The following NEURL1B variants were observed in gnomAD, a reference collection of about 807,000 sequenced individuals.
The protein encoded by NEURL1B is E3 ubiquitin-protein ligase NEURL1B.
A neutral mutation model predicts 37.4 loss-of-function variants in NEURL1B; 13 were observed. That is an observed-to-expected ratio of 0.35 (90% CI 0.23 to 0.55). The LOEUF is 0.55. Ranked by LOEUF, NEURL1B falls within the 20% of genes least tolerant of loss-of-function variation. The probability of loss-of-function intolerance (pLI) is 0.89; values close to 1 mark genes in which losing one functional copy is unlikely to be tolerated. For missense variants in NEURL1B, 790 were observed against 879.2 expected (o/e 0.90, Z 1.28); for synonymous variants, 432 against 426.6 (o/e 1.01, Z -0.16).
intron 2 of NEURL1B, among the ~76,000 whole-genome samples, chr5:172,681,216 G>A (rs1444942726): frequency 3.3e-5 from 5 of 152,096 alleles, no homozygotes; most frequent in Admixed American, 6.6e-5. Flanking sequence ...TGAGATTTGG[G>A]TGGACACAAA....
At position 172,690,147 on chromosome 5, in the gene NEURL1B, C is replaced by T. The variant is rs76676035; in HGVS notation, c.*3222C>T. On this transcript the variant is annotated 3_prime_UTR_variant, in exon 5 of 5. Coordinates refer to ENST00000369800, the MANE Select transcript of NEURL1B (RefSeq NM_001142651.3). ...AGGGCTCCAGGGCGAGGACAGGGGACACCTGAAAACACCCCGTTGTTCATG... is the reference window on the plus strand; with the variant it reads ...AGGGCTCCAGGGCGAGGACAGGGGATACCTGAAAACACCCCGTTGTTCATG... 815 of 152,472 alleles carry T rather than the reference C, an allele frequency of 5.3e-3. 3 individuals carry two copies. The highest frequency in any genetic ancestry group is 0.013 in the South Asian group (61 of 4,832). 9.4% of individuals were successfully genotyped at this position (152,472 alleles called of 1,614,324 possible). A position where few individuals can be genotyped will look rare whatever the true frequency, so the allele number is the denominator to read the frequency against.
Position 172,661,265 on chromosome 5 carries a change from T to G in NEURL1B, c.32-8520T>G, listed in dbSNP as rs1757895906. ...GCCCCTGAAGTTGAATATCAGATTG[T>G]GCATGGAGTCTGGGTATGTTTCTGG... On this transcript the variant is annotated intron_variant, in intron 1 of 4. Transcript: ENST00000369800. This position sits in a 1 kb window ranked among gnomAD's most constrained non-coding sequence, Gnocchi z 4.0. Among the ~76,000 whole-genome samples the G allele has an allele frequency of 6.6e-6, 1 of 152,180 alleles. No homozygotes were observed. Among genetic ancestry groups the G allele is most frequent in the South Asian group, 2.1e-4 (1 of 4,832 alleles).
At chr5:172,674,437 C>T (rs73803487) in intron 2 of NEURL1B, among the ~76,000 whole-genome samples, 1,667 of 152,116 alleles carry the variant, frequency 0.011, 30 homozygotes, top group African/African-American at 0.038. Context: ...TCCAGAGTCC[C>T]GAGAAGGAAA....
rs1758657117 is a variant in NEURL1B at position 172,691,439 on chromosome 5, T to C, written c.*4514T>C. On this transcript the variant is annotated 3_prime_UTR_variant, in exon 5 of 5. Coordinates refer to ENST00000369800, the MANE Select transcript of NEURL1B (RefSeq NM_001142651.3). ...TTGCACTGGTCTTGAGTGTTGTGCT[T>C]TTCTGTGTTGTGTGTTTTGATTTTT... 6.6e-6 allele frequency: 1 copy of C among 152,206 alleles called. No individual in the cohort carries two copies. The highest frequency in any genetic ancestry group is 2.4e-5 in the African/African-American group (1 of 41,438). 9.4% of individuals were successfully genotyped at this position (152,206 alleles called of 1,614,324 possible). A position where few individuals can be genotyped will look rare whatever the true frequency, so the allele number is the denominator to read the frequency against.
At position 172,668,489 on chromosome 5, in the gene NEURL1B, A is replaced by T. The variant is rs146080203; in HGVS notation, c.32-1296A>T. Among the ~76,000 whole-genome samples, 7 of 151,868 alleles carry T rather than the reference A, an allele frequency of 4.6e-5. No individual in the cohort carries two copies. The East Asian group carries it at 1.4e-3, about 30-fold the overall frequency. On this transcript the variant is annotated intron_variant, in intron 1 of 4. Coordinates refer to ENST00000369800, the MANE Select transcript of NEURL1B (RefSeq NM_001142651.3). ...GGAGCCATGTCTTGTTTGCCTCATC[A>T]TTGCCTCTCCCTCTTCATTTTCCCC...
intron 1 of NEURL1B, among the ~76,000 whole-genome samples, chr5:172,658,315 TA>T (rs1757832564): frequency 6.6e-6 from 1 of 152,164 alleles, no homozygotes; most frequent in South Asian, 2.1e-4. Context: ...TCCAAGCACG[TA>T]GCCCTTTACC....
At chr5:172,659,751 C>T (rs980198771) in intron 1 of NEURL1B, among the ~76,000 whole-genome samples, 2 of 152,202 alleles carry the variant, frequency 1.3e-5, no homozygotes, top group Non-Finnish European at 2.9e-5. Flanking sequence ...CTCCCCTCTC[C>T]CTTCTGGCCT....
At position 172,675,603 on chromosome 5, in the gene NEURL1B, C is replaced by G. The variant is rs1401574030; in HGVS notation, c.577+5273C>G. Among the ~76,000 whole-genome samples, 1 of 136,774 alleles carries G rather than the reference C, an allele frequency of 7.3e-6. No homozygotes were observed. The highest frequency in any genetic ancestry group is 1.6e-5 in the Non-Finnish European group (1 of 64,506). The allele number at this position is 136,774 out of a possible 152,430, so 89.7% of individuals were successfully genotyped here. ...TTCCTGGAGCCAGGAGAGGAAGCTTCTGCCAGGCCATGCGCTCCCTTCCCT... is the reference window on the plus strand; with the variant it reads ...TTCCTGGAGCCAGGAGAGGAAGCTTGTGCCAGGCCATGCGCTCCCTTCCCT... On this transcript the variant is annotated intron_variant, in intron 2 of 4. Transcript: ENST00000369800. This position sits in a 1 kb window ranked among gnomAD's most constrained non-coding sequence, Gnocchi z 4.7.
intron 1 of NEURL1B, among the ~76,000 whole-genome samples, chr5:172,659,964 C>G (rs1175246027): frequency 3.3e-5 from 5 of 152,262 alleles, no homozygotes; most frequent in African/African-American, 1.2e-4. Context: ...GTCATGGGGT[C>G]TGCTTATGTC....
intron 2 of NEURL1B, among the ~76,000 whole-genome samples, chr5:172,674,399 C>G (rs1758188938): frequency 6.6e-6 from 1 of 152,104 alleles, no homozygotes; most frequent in Non-Finnish European, 1.5e-5. Context: ...TGGGGCCAGA[C>G]CGTGGGGTGC....
At position 172,689,911 on chromosome 5, in the gene NEURL1B, T is replaced by A. The variant is rs922799251; in HGVS notation, c.*2986T>A. 6.6e-6 allele frequency: 1 copy of A among 152,256 alleles called. No homozygotes were observed. The highest frequency in any genetic ancestry group is 1.5e-5 in the Non-Finnish European group (1 of 68,096). 9.4% of individuals were successfully genotyped at this position (152,256 alleles called of 1,614,324 possible). A position where few individuals can be genotyped will look rare whatever the true frequency, so the allele number is the denominator to read the frequency against. On this transcript the variant is annotated 3_prime_UTR_variant, in exon 5 of 5. Coordinates refer to ENST00000369800, the MANE Select transcript of NEURL1B (RefSeq NM_001142651.3). Reference sequence around the variant, plus strand: ...CCTGGCAGAGCTGAGGTCTGAGAGATCTGGACTCCAACCCAAGGGCCCTCT... The same window carrying A: ...CCTGGCAGAGCTGAGGTCTGAGAGAACTGGACTCCAACCCAAGGGCCCTCT...
Position 172,689,275 on chromosome 5 carries a change from G to T in NEURL1B, c.*2350G>T, listed in dbSNP as rs544043136. Reference sequence around the variant, plus strand: ...GATGCACACGTCCCCACTATGTTCTGTCTTGAGAAGGGGACAAGAGAAAGA... The same window carrying T: ...GATGCACACGTCCCCACTATGTTCTTTCTTGAGAAGGGGACAAGAGAAAGA... On this transcript the variant is annotated 3_prime_UTR_variant, in exon 5 of 5. Coordinates refer to ENST00000369800, the MANE Select transcript of NEURL1B (RefSeq NM_001142651.3). The T allele has an allele frequency of 6.6e-6, 1 of 152,260 alleles. No homozygotes were observed. Among genetic ancestry groups the T allele is most frequent in the Non-Finnish European group, 1.5e-5 (1 of 68,068 alleles). 9.4% of individuals were successfully genotyped at this position (152,260 alleles called of 1,614,324 possible).
intron 1 of NEURL1B, among the ~76,000 whole-genome samples, chr5:172,653,622 C>T (rs1016360601): frequency 2.3e-4 from 35 of 152,252 alleles, no homozygotes; most frequent in Middle Eastern, 6.8e-3. Context: ...TACAATTTAA[C>T]GTTTTAAAAC....
rs555048272 is a variant in NEURL1B at position 172,674,642 on chromosome 5, G to A, written c.577+4312G>A. On this transcript the variant is annotated intron_variant, in intron 2 of 4. Transcript: ENST00000369800. ...TAGGATTTCTTAAGGGCCCCCAGCT[G>A]CTGCCAGGGTTGTGCTAACGATTCC... 5.3e-5 allele frequency among the ~76,000 whole-genome samples: 8 copies of A among 152,310 alleles called. No individual in the cohort carries two copies. The South Asian group carries it at 1.7e-3, about 32-fold the overall frequency.
chr5:172,660,240 G>T lies in NEURL1B; in HGVS notation c.32-9545G>T, dbSNP rs891455001. Among the ~76,000 whole-genome samples, 3 of 152,326 alleles carry T rather than the reference G, an allele frequency of 2.0e-5. No individual in the cohort carries two copies. In the East Asian group the frequency reaches 5.8e-4, roughly 29 times the overall value. On this transcript the variant is annotated intron_variant, in intron 1 of 4. Coordinates refer to ENST00000369800, the MANE Select transcript of NEURL1B (RefSeq NM_001142651.3). ...AGAAGAGACCACAGTCAGGGGGCCC[G>T]GCAGAGGGTCGGAGTCAGCTTGGGA...
chr5:172,682,919 G>A (rs190300370), intron 2 of NEURL1B, among the ~76,000 whole-genome samples: 5 of 152,352 alleles, frequency 3.3e-5, no homozygotes, highest in African/African-American at 1.2e-4. Context: ...GCCTCACAGA[G>A]TGGTTGTGTA....
Position 172,665,388 on chromosome 5 carries a change from C to G in NEURL1B, c.32-4397C>G, listed in dbSNP as rs1757989270. On this transcript the variant is annotated intron_variant, in intron 1 of 4. Coordinates refer to ENST00000369800, the MANE Select transcript of NEURL1B (RefSeq NM_001142651.3). The surrounding 1 kb of genome is among the most constrained non-coding windows in gnomAD (Gnocchi z 4.1). ...TTTCCCCTGCTCACTTGGGATTTGTCCATTCCTCTTAACCTCGTGGTTCTA... is the reference window on the plus strand; with the variant it reads ...TTTCCCCTGCTCACTTGGGATTTGTGCATTCCTCTTAACCTCGTGGTTCTA... Among the ~76,000 whole-genome samples the G allele has an allele frequency of 6.6e-6, 1 of 152,182 alleles. No homozygotes were observed. Among genetic ancestry groups the G allele is most frequent in the Non-Finnish European group, 1.5e-5 (1 of 68,038 alleles).
intron 1 of NEURL1B, among the ~76,000 whole-genome samples, chr5:172,643,589 CAG>C (rs1308131823): frequency 1.3e-5 from 2 of 152,162 alleles, no homozygotes; most frequent in East Asian, 3.9e-4. Context: ...TCCCTGAGGA[CAG>C]AGCCCTTGTC....
chr5:172,686,276 C>G lies in NEURL1B; in HGVS notation c.1403C>G (p.Ser468Trp). Residue 468 changes from serine to tryptophan, a missense_variant, in exon 4 of 5, where the codon TCG becomes TGG. Ser to Trp is a radical substitution (Grantham distance 177). Transcript: ENST00000369800. This position sits in a 1 kb window ranked among gnomAD's most constrained non-coding sequence, Gnocchi z 7.9. ...DMTFSVNQSS[S>W]ASESSLVTAP... ...ACCTTCAGTGTCAACCAGTCCTCCT[C>G]GGCATCTGAGTCATCCCTGGGTAAG... 6.4e-7 allele frequency: 1 copy of G among 1,551,692 alleles called. No homozygotes were observed. Among genetic ancestry groups the G allele is most frequent in the Non-Finnish European group, 8.7e-7 (1 of 1,146,990 alleles).
Sources: allele counts gnomAD v4.1 joint callset (sites outside exome capture counted in the v4.1 genomes callset), GRCh38; gene constraint gnomAD v4.1.1; non-coding constraint Gnocchi (gnomAD v3.1); transcripts MANE v1.5; gene names NCBI Gene and HGNC (gene_info 2026-07-23, HGNC 2026-07-21).